RASEF: variants seen among roughly 807,000 people sequenced by gnomAD.
The protein encoded by RASEF is RAS and EF-hand domain containing.
RASEF carries 68 observed loss-of-function variants against 90.1 expected under a neutral mutation model. The observed-to-expected ratio is 0.75, with a 90% CI of 0.62 to 0.92. The LOEUF is 0.92. RASEF is among the 40% of genes least tolerant of loss of function. RASEF has a pLI of 0.00. For synonymous variants in RASEF, 331 were observed against 345.2 expected, an observed-to-expected ratio of 0.96 and a Z score of 0.46; for missense variants, 949 against 937.2, an observed-to-expected ratio of 1.01 and a Z score of -0.16.
At chr9:83,147,892 C>T in the RASEF span, among the ~76,000 whole-genome samples, 2 of 152,000 alleles carry the variant, frequency 1.3e-5, no homozygotes, top group African/African-American at 4.8e-5. Context: ...AACTCCTCTC[C>T]GACCATCCCC....
chr9:83,137,012 CA>C, the RASEF span, among the ~76,000 whole-genome samples: 1 of 151,992 alleles, frequency 6.6e-6, no homozygotes, highest in African/African-American at 2.4e-5. Context: ...TATCCTTTGT[CA>C]GTTTTTATTA....
intron 1 of RASEF, chr9:83,055,306 T>C (rs1442374832): frequency 2.7e-6 from 1 of 370,200 alleles, no homozygotes; most frequent in African/African-American, 2.2e-5. Context: ...TGACCCGATT[T>C]TCCAGGTGCG....
chr9:83,099,343 C>T, the RASEF span, among the ~76,000 whole-genome samples: 2 of 152,096 alleles, frequency 1.3e-5, no homozygotes, highest in East Asian at 3.9e-4. Context: ...AAAAGCTTGG[C>T]ATTCAGAGAA....
At chr9:83,138,635 C>T in the RASEF span, among the ~76,000 whole-genome samples, 1 of 152,116 alleles carries the variant, frequency 6.6e-6, no homozygotes, top group African/African-American at 2.4e-5. Flanking sequence ...CTGTCTTTGC[C>T]CATAGCTCCA....
the RASEF span, among the ~76,000 whole-genome samples, chr9:83,118,859 A>G: frequency 6.6e-6 from 1 of 152,334 alleles, no homozygotes; most frequent in African/African-American, 2.4e-5. Context: ...ATAGGACATA[A>G]AAGCCACAGT....
At chr9:83,049,256 C>T (rs1239936382) in intron 1 of RASEF, 1 of 963,046 alleles carries the variant, frequency 1.0e-6, no homozygotes, top group Non-Finnish European at 1.2e-6. Context: ...CAGTACATTT[C>T]TAAAATCGAC....
At chr9:83,207,442 G>A in the RASEF span, among the ~76,000 whole-genome samples, 1 of 152,046 alleles carries the variant, frequency 6.6e-6, no homozygotes, top group African/African-American at 2.4e-5. Flanking sequence ...ATCTGCAGTG[G>A]GTTCATCGAA....
At chr9:83,218,790 G>C in the RASEF span, among the ~76,000 whole-genome samples, 1 of 152,206 alleles carries the variant, frequency 6.6e-6, no homozygotes, top group African/African-American at 2.4e-5. Flanking sequence ...AGCAGTGTTT[G>C]AGAGAAAGGT....
chr9:82,990,570 T>G (rs1828795204), intron 15 of RASEF, 103 bp from the exon 16 acceptor site: 2 of 743,314 alleles, frequency 2.7e-6, no homozygotes, highest in Non-Finnish European at 4.5e-6. Flanking sequence ...CTACTGAGCA[T>G]GCTAAGAGTA....
At chr9:83,160,850 G>A in the RASEF span, among the ~76,000 whole-genome samples, 2 of 152,210 alleles carry the variant, frequency 1.3e-5, no homozygotes, top group African/African-American at 4.8e-5. Context: ...CTCCAGCTGT[G>A]ACTCGAAGGG....
chr9:83,001,184 A>G (rs957573537), intron 9 of RASEF, 54 bp from the exon 10 acceptor site: 7 of 1,282,868 alleles, frequency 5.5e-6, no homozygotes, highest in Non-Finnish European at 7.8e-6. Context: ...GCTCAAGAAC[A>G]TACAGGCAAT....
chr9:83,114,832 T>C, the RASEF span, among the ~76,000 whole-genome samples: 7 of 152,340 alleles, frequency 4.6e-5, no homozygotes, highest in African/African-American at 1.7e-4. Flanking sequence ...TGAAACTTCA[T>C]TAGCAATTTA....
chr9:83,152,027 C>G, the RASEF span, among the ~76,000 whole-genome samples: 1 of 152,124 alleles, frequency 6.6e-6, no homozygotes, highest in African/African-American at 2.4e-5. Flanking sequence ...CAGTATCTCC[C>G]CAGACAGTTA....
At chr9:83,055,910 T>G (rs1033847920) in intron 1 of RASEF, among the ~76,000 whole-genome samples, 9 of 152,164 alleles carry the variant, frequency 5.9e-5, no homozygotes, top group Admixed American at 2.6e-4. Flanking sequence ...CCAGGAGGAA[T>G]TTTCCCATTC....
At chr9:83,167,130 G>A in the RASEF span, among the ~76,000 whole-genome samples, 2 of 151,854 alleles carry the variant, frequency 1.3e-5, no homozygotes, top group Admixed American at 1.3e-4. Context: ...GATTTAATTA[G>A]TTAATATACT....
intron 4 of RASEF, among the ~76,000 whole-genome samples, chr9:83,013,758 C>T (rs1829292532): frequency 6.6e-6 from 1 of 152,174 alleles, no homozygotes; most frequent in Non-Finnish European, 1.5e-5. Flanking sequence ...GATATTTATA[C>T]CTTCCTCAGA....
intron 1 of RASEF, among the ~76,000 whole-genome samples, chr9:83,058,961 G>A (rs1830152013): frequency 6.6e-6 from 1 of 152,062 alleles, no homozygotes; most frequent in Non-Finnish European, 1.5e-5. Context: ...CTGCCTGGCA[G>A]GTCACCCATC....
the RASEF span, among the ~76,000 whole-genome samples, chr9:83,104,575 T>C: frequency 6.6e-6 from 1 of 152,168 alleles, no homozygotes; most frequent in African/African-American, 2.4e-5. Flanking sequence ...TACATAAATA[T>C]ACGTGGTGGT....
In RASEF at chr9:82,982,787, G is replaced by C; in HGVS notation, c.2118-5C>G. The C allele has an allele frequency of 5.5e-6, 8 of 1,451,030 alleles. No individual in the cohort carries two copies. The highest frequency in any genetic ancestry group is 7.7e-6 in the Non-Finnish European group (8 of 1,041,182). The allele number at this position is 1,451,030 out of a possible 1,614,324, so 89.9% of individuals were successfully genotyped here. A position where few individuals can be genotyped will look rare whatever the true frequency, so the allele number is the denominator to read the frequency against. ...TCAGTTCTCTTTTTCACTTCTCTGAGACAGAGATAGAGAGAGACAGAGAGA... is the reference window on the plus strand; with the variant it reads ...TCAGTTCTCTTTTTCACTTCTCTGACACAGAGATAGAGAGAGACAGAGAGA... On this transcript the variant is annotated splice_polypyrimidine_tract_variant and splice_region_variant and intron_variant, in intron 16 of 16. Transcript: ENST00000376447.
Sources: gnomAD v4.1 joint callset for allele counts (sites outside exome capture counted in the v4.1 genomes callset) on GRCh38, gnomAD v4.1.1 for gene constraint, MANE v1.5 for transcripts, NCBI Gene and HGNC (gene_info 2026-07-23, HGNC 2026-07-21) for gene names.